The following GRXCR1 variants were observed in gnomAD, a reference collection of about 807,000 sequenced individuals.
The protein encoded by GRXCR1 is glutaredoxin and cysteine rich domain containing 1.
Under a neutral mutation model 27.3 loss-of-function variants are expected in GRXCR1, and 27 were observed. The observed-to-expected ratio is 0.99, with a 90% CI of 0.73 to 1.37. GRXCR1 has a LOEUF of 1.37. Ranked by LOEUF, GRXCR1 falls within the 40% of genes most tolerant of loss-of-function variation. The pLI, the probability that GRXCR1 is intolerant of heterozygous loss-of-function variation, is 0.00. For missense variants in GRXCR1, 379 were observed against 354.4 expected, an observed-to-expected ratio of 1.07 and a Z score of -0.56; for synonymous variants, 122 against 131.1, an observed-to-expected ratio of 0.93 and a Z score of 0.47.
At chr4:42,949,377 C>A (rs6844988) in intron 1 of GRXCR1, among the ~76,000 whole-genome samples, 19,537 of 87,048 alleles carry the variant, frequency 0.22, 1,837 homozygotes, top group East Asian at 0.44. Flanking sequence ...AAAAAAAAAA[C>A]AACTTTAAAA....
intron 2 of GRXCR1, among the ~76,000 whole-genome samples, chr4:43,016,021 G>C (rs775296882): frequency 1.8e-4 from 27 of 152,200 alleles, no homozygotes; most frequent in Non-Finnish European, 3.2e-4. Context: ...TTAAATGTTT[G>C]ATTGTTTTCT....
At chr4:43,026,631 G>A (rs1713266511) in intron 3 of GRXCR1, among the ~76,000 whole-genome samples, 1 of 152,124 alleles carries the variant, frequency 6.6e-6, no homozygotes, top group Non-Finnish European at 1.5e-5. Flanking sequence ...GGGAAAAAAC[G>A]GATGCAAATA....
At position 43,019,021 on chromosome 4, in the gene GRXCR1, A is replaced by G. The variant is rs7661950; in HGVS notation, c.628-1333A>G. Among the ~76,000 whole-genome samples the G allele has an allele frequency of 4.5e-3, 680 of 152,256 alleles. 9 individuals are homozygous for G. The highest frequency in any genetic ancestry group is 0.014 in the African/African-American group (571 of 41,550). On this transcript the variant is annotated intron_variant, in intron 2 of 3. Transcript: ENST00000399770. ...GACATTTTTTATGGTGATTATGATG[A>G]CATAGGTTATACAAGATAGACTGAA...
chr4:42,986,553 A>T (rs1225254744), intron 2 of GRXCR1, among the ~76,000 whole-genome samples: 1 of 152,146 alleles, frequency 6.6e-6, no homozygotes, highest in Non-Finnish European at 1.5e-5. Context: ...GGAATATCTG[A>T]TGGGTAGTGA....
At chr4:42,944,605 T>A (rs570957885) in intron 1 of GRXCR1, among the ~76,000 whole-genome samples, 1 of 152,224 alleles carries the variant, frequency 6.6e-6, no homozygotes, top group East Asian at 1.9e-4. Flanking sequence ...CAGAATCAGT[T>A]ATAAATCACC....
intron 1 of GRXCR1, among the ~76,000 whole-genome samples, chr4:42,916,398 A>G (rs140783140): frequency 1.3e-3 from 191 of 152,290 alleles, no homozygotes; most frequent in African/African-American, 4.4e-3. Context: ...AAAAATAGTC[A>G]TGATTCAAAT....
intron 1 of GRXCR1, among the ~76,000 whole-genome samples, chr4:42,931,352 G>C (rs1474981672): frequency 6.6e-6 from 1 of 152,008 alleles, no homozygotes; most frequent in East Asian, 1.9e-4. Flanking sequence ...GTCTGCAGCA[G>C]GGATTGGGGT....
At chr4:42,927,453 A>AATATAAATTTG (rs1747185900) in intron 1 of GRXCR1, among the ~76,000 whole-genome samples, 1 of 151,998 alleles carries the variant, frequency 6.6e-6, no homozygotes, top group South Asian at 2.1e-4. Flanking sequence ...TGTAACCTAG[A>AATATAAATTTG]CTATAAATTT....
At chr4:42,921,570 A>T (rs1247433690) in intron 1 of GRXCR1, among the ~76,000 whole-genome samples, 1 of 152,056 alleles carries the variant, frequency 6.6e-6, no homozygotes, top group Non-Finnish European at 1.5e-5. Context: ...ATATAGATAT[A>T]CCTGAGTATA....
intron 2 of GRXCR1, among the ~76,000 whole-genome samples, chr4:42,980,008 C>T (rs1230282024): frequency 1.3e-5 from 2 of 151,778 alleles, no homozygotes; most frequent in South Asian, 2.1e-4. Context: ...TCAATTGTAA[C>T]ATCTCCTTTT....
intron 2 of GRXCR1, among the ~76,000 whole-genome samples, chr4:42,992,281 G>C (rs2109791650): frequency 6.6e-6 from 1 of 152,234 alleles, no homozygotes; most frequent in East Asian, 1.9e-4. Context: ...CAGAAAGCTG[G>C]ATAACTTAGT....
intron 2 of GRXCR1, among the ~76,000 whole-genome samples, chr4:43,002,780 A>G (rs1217623876): frequency 6.6e-6 from 1 of 152,276 alleles, no homozygotes; most frequent in African/African-American, 2.4e-5. Flanking sequence ...ATGATAATTT[A>G]TCTTGATATC....
intron 1 of GRXCR1, among the ~76,000 whole-genome samples, chr4:42,936,721 G>T (rs1432880585): frequency 2.0e-5 from 3 of 151,918 alleles, no homozygotes; most frequent in African/African-American, 7.2e-5. Context: ...TGGTGATCTT[G>T]ATAGTCGTGG....
intron 2 of GRXCR1, among the ~76,000 whole-genome samples, chr4:42,987,279 G>GAA (rs1711801621): frequency 1.1e-5 from 1 of 90,786 alleles, no homozygotes; most frequent in South Asian, 3.3e-4. Context: ...TATATATATA[G>GAA]AGAGAGAGAG....
intron 2 of GRXCR1, among the ~76,000 whole-genome samples, chr4:42,975,762 T>C (rs1748505566): frequency 6.6e-6 from 1 of 152,148 alleles, no homozygotes; most frequent in South Asian, 2.1e-4. Context: ...CTATCTCCTC[T>C]TCCCTCAAGT....
At chr4:42,981,942 C>A (rs1009911149) in intron 2 of GRXCR1, among the ~76,000 whole-genome samples, 1 of 152,092 alleles carries the variant, frequency 6.6e-6, no homozygotes, top group South Asian at 2.1e-4. Context: ...GAATGCAGAG[C>A]AGATATTTGA....
intron 2 of GRXCR1, among the ~76,000 whole-genome samples, chr4:42,991,371 T>G (rs145518303): frequency 6.6e-6 from 1 of 152,114 alleles, no homozygotes; most frequent in African/African-American, 2.4e-5. Flanking sequence ...ACCATTCTTA[T>G]GCCATTTTGT....
In GRXCR1 at chr4:42,906,777, C is replaced by A. The variant is rs139974268; in HGVS notation, c.384+13127C>A. Among the ~76,000 whole-genome samples the A allele has an allele frequency of 5.8e-3, 889 of 152,220 alleles. 8 individuals carry two copies. Among genetic ancestry groups the A allele is most frequent in the African/African-American group, 0.02 (848 of 41,544 alleles). On this transcript the variant is annotated intron_variant, in intron 1 of 3. Transcript: ENST00000399770. ...AGGTGCCTCTCTTATAATACTGTTT[C>A]TTTAATCCTCATGACAAATTTACAA...
At chr4:43,001,835 T>C (rs996916955) in intron 2 of GRXCR1, among the ~76,000 whole-genome samples, 8 of 100,812 alleles carry the variant, frequency 7.9e-5, no homozygotes, top group African/African-American at 3.6e-4. Context: ...ATTTTCATTA[T>C]TTCAGCAAAA....
Sources: gnomAD v4.1 joint callset for allele counts (sites outside exome capture counted in the v4.1 genomes callset) on GRCh38, gnomAD v4.1.1 for gene constraint, MANE v1.5 for transcripts, NCBI Gene and HGNC (gene_info 2026-07-23, HGNC 2026-07-21) for gene names.